ZNF521: variants seen among roughly 807,000 people sequenced by gnomAD.
ZNF521 encodes zinc finger protein 521.
Under a neutral mutation model 105.5 loss-of-function variants are expected in ZNF521, and 14 were observed. That is an observed-to-expected ratio of 0.13 (90% CI 0.09 to 0.21). ZNF521 has a LOEUF of 0.21. Ranked by LOEUF, ZNF521 falls within the 10% of genes least tolerant of loss-of-function variation. The probability of loss-of-function intolerance (pLI) is 1.00; values close to 1 mark genes in which losing one functional copy is unlikely to be tolerated. For synonymous variants in ZNF521, 635 were observed against 606.0 expected (o/e 1.05, Z -0.70); for missense variants, 1,233 against 1,629.7 (o/e 0.76, Z 4.19).
At chr18:25,099,019 T>G (rs1012185058) in intron 5 of ZNF521, among the ~76,000 whole-genome samples, 4 of 152,192 alleles carry the variant, frequency 2.6e-5, no homozygotes, top group Non-Finnish European at 4.4e-5. Flanking sequence ...GTGGCAGCTC[T>G]GACCATCTCA....
At chr18:25,332,244 A>G (rs1406313137) in intron 2 of ZNF521, among the ~76,000 whole-genome samples, 1 of 151,952 alleles carries the variant, frequency 6.6e-6, no homozygotes, top group Non-Finnish European at 1.5e-5. Flanking sequence ...AAGCATTTTC[A>G]AAACAACTGC....
chr18:25,254,565 A>G (rs1444150739), intron 3 of ZNF521, among the ~76,000 whole-genome samples: 1 of 152,054 alleles, frequency 6.6e-6, no homozygotes, highest in Non-Finnish European at 1.5e-5. Context: ...CTCCCTGGTA[A>G]TTTACTAGAT....
intron 3 of ZNF521, among the ~76,000 whole-genome samples, chr18:25,233,561 G>C (rs1372537992): frequency 6.6e-6 from 1 of 151,990 alleles, no homozygotes; most frequent in African/African-American, 2.4e-5. Flanking sequence ...AAGAAGGGTG[G>C]TCACCCATTA....
rs183173576 is a variant in ZNF521, at chr18:25,230,189, C to A, written c.221-2492G>T. ...TGTCTTTGTAAAGGAAATTACACAA[C>A]ACCCCCTCTAGAAGTCATAAGGCGT... On this transcript the variant is annotated intron_variant, in intron 3 of 7. Coordinates refer to ENST00000361524, the MANE Select transcript of ZNF521 (RefSeq NM_015461.3). Among the ~76,000 whole-genome samples, 273 of 152,294 alleles carry A rather than the reference C, an allele frequency of 1.8e-3. 1 individual carries two copies. The highest frequency in any genetic ancestry group is 6.4e-3 in the African/African-American group (265 of 41,560).
intron 7 of ZNF521, among the ~76,000 whole-genome samples, chr18:25,063,416 G>A (rs944317697): frequency 2.6e-5 from 4 of 152,102 alleles, no homozygotes; most frequent in African/African-American, 9.7e-5. Flanking sequence ...CCTTGTCCCC[G>A]GATGCTCTTT....
chr18:25,265,585 C>G (rs562792888), intron 3 of ZNF521, among the ~76,000 whole-genome samples: 38 of 152,294 alleles, frequency 2.5e-4, no homozygotes, highest in Middle Eastern at 3.4e-3. Flanking sequence ...CGACTGTTCT[C>G]CAGCACTGAA....
chr18:25,168,051 C>T (rs961919387), intron 5 of ZNF521, among the ~76,000 whole-genome samples: 7 of 152,094 alleles, frequency 4.6e-5, no homozygotes, highest in Non-Finnish European at 8.8e-5. Flanking sequence ...TAAGAGACTC[C>T]GAGTCAGTCT....
chr18:25,177,708 T>C lies in ZNF521; in HGVS notation c.3658+17452A>G, dbSNP rs907105721. On this transcript the variant is annotated intron_variant, in intron 5 of 7. Transcript: ENST00000361524. ...TTTAGCTAGGCAAAAATATCGTCTG[T>C]AATAAAAACTAAAATCAGTTTGCAG... Among the ~76,000 whole-genome samples, 8 of 152,284 alleles carry C rather than the reference T, an allele frequency of 5.3e-5. No homozygotes were observed. The East Asian group carries it at 7.7e-4, about 15-fold the overall frequency.
intron 3 of ZNF521, among the ~76,000 whole-genome samples, chr18:25,294,247 AT>A (rs897970344): frequency 8.6e-5 from 13 of 151,614 alleles, no homozygotes; most frequent in South Asian, 4.2e-4. Context: ...ATGTATACTA[AT>A]TTTTTTTTCC....
Position 25,139,372 on chromosome 18 carries a change from C to CAAAAAAAAAAAAAAAAA in ZNF521, c.3659-47308_3659-47292dup, listed in dbSNP as rs36175281. On this transcript the variant is annotated intron_variant, in intron 5 of 7. Transcript: ENST00000361524. Reference sequence around the variant, plus strand: ...TGGGCGACAGAGCAAGACTCTGTCTCAAAAAAAAAAAAAAAAAAAAAAAAA... The same window carrying CAAAAAAAAAAAAAAAAA: ...TGGGCGACAGAGCAAGACTCTGTCTCAAAAAAAAAAAAAAAAAAAAAAAAAAAAAAAAAAAAAAAAAA... 6.4e-4 allele frequency among the ~76,000 whole-genome samples: 33 copies of CAAAAAAAAAAAAAAAAA among 51,390 alleles called. 3 individuals carry two copies. The highest frequency in any genetic ancestry group is 8.8e-4 in the Non-Finnish European group (26 of 29,420). 33.7% of individuals were successfully genotyped at this position (51,390 alleles called of 152,430 possible). A position where few individuals can be genotyped will look rare whatever the true frequency, so the allele number is the denominator to read the frequency against.
At chr18:25,303,195 A>G (rs1490241833) in intron 3 of ZNF521, among the ~76,000 whole-genome samples, 1 of 151,958 alleles carries the variant, frequency 6.6e-6, no homozygotes, top group Non-Finnish European at 1.5e-5. Context: ...CTAAAGGACC[A>G]CTGAGTTCCC....
At chr18:25,154,175 A>C (rs2035100830) in intron 5 of ZNF521, among the ~76,000 whole-genome samples, 1 of 152,226 alleles carries the variant, frequency 6.6e-6, no homozygotes, top group South Asian at 2.1e-4. Context: ...TATTTGGGGA[A>C]AAAAGTCCCA....
At chr18:25,324,232 A>T (rs1266532576) in intron 2 of ZNF521, among the ~76,000 whole-genome samples, 1 of 152,130 alleles carries the variant, frequency 6.6e-6, no homozygotes, top group African/African-American at 2.4e-5. Context: ...AAAAATAGAG[A>T]CTACCTTTAA....
At chr18:25,349,271 G>A (rs553485581) in intron 2 of ZNF521, among the ~76,000 whole-genome samples, 1 of 152,244 alleles carries the variant, frequency 6.6e-6, no homozygotes, top group South Asian at 2.1e-4. Flanking sequence ...GCCGGCGCGA[G>A]CCTGGTCCAC....
chr18:25,108,602 T>C (rs1169824452), intron 5 of ZNF521, among the ~76,000 whole-genome samples: 1 of 152,146 alleles, frequency 6.6e-6, no homozygotes, highest in African/African-American at 2.4e-5. Context: ...AGTTACCAAA[T>C]ACAATAGAGC....
chr18:25,149,449 C>T (rs4433883), intron 5 of ZNF521, among the ~76,000 whole-genome samples: 141,008 of 152,226 alleles, frequency 0.93, 65,682 homozygotes, highest in Middle Eastern at 0.99. Flanking sequence ...GATGTCATAA[C>T]TATCATAGAT....
At chr18:25,190,899 G>T (rs2035807146) in intron 5 of ZNF521, among the ~76,000 whole-genome samples, 1 of 152,232 alleles carries the variant, frequency 6.6e-6, no homozygotes, top group Non-Finnish European at 1.5e-5. Context: ...TGAAAATCGT[G>T]ATTATCTATA....
intron 7 of ZNF521, among the ~76,000 whole-genome samples, chr18:25,068,639 A>G (rs550836531): frequency 2.5e-4 from 38 of 152,120 alleles, no homozygotes; most frequent in Non-Finnish European, 4.9e-4. Context: ...AATGCCTGCA[A>G]GTCCTACATT....
At position 25,314,761 on chromosome 18, in the gene ZNF521, A is replaced by G. The variant is rs1012144256; in HGVS notation, c.220+7247T>C. Among the ~76,000 whole-genome samples, 5 of 152,256 alleles carry G rather than the reference A, an allele frequency of 3.3e-5. No homozygotes were observed. The East Asian group carries it at 9.6e-4, about 29-fold the overall frequency. ...TTTTTTCTGCGATTATGCCCAGGCA[A>G]TTCACATTAATGATGTGAAAGAACA... On this transcript the variant is annotated intron_variant, in intron 3 of 7. Coordinates refer to ENST00000361524, the MANE Select transcript of ZNF521 (RefSeq NM_015461.3).
Sources: allele counts gnomAD v4.1 joint callset (sites outside exome capture counted in the v4.1 genomes callset), GRCh38; gene constraint gnomAD v4.1.1; transcripts MANE v1.5; gene names NCBI Gene and HGNC (gene_info 2026-07-23, HGNC 2026-07-21).